DOK7: variants seen among roughly 807,000 people sequenced by gnomAD.
The protein encoded by DOK7 is protein Dok-7.
In DOK7, 32 loss-of-function variants were observed where a neutral mutation model predicts 30.7. The observed-to-expected ratio is 1.04, with a 90% confidence interval of 0.79 to 1.40. The LOEUF is 1.40. Among genes scored for constraint, DOK7 ranks in the 40% most tolerant of loss-of-function variants. DOK7 has a pLI of 0.00. For synonymous variants in DOK7, 447 were observed against 324.1 expected (o/e 1.38, Z -4.07); for missense variants, 1,007 against 699.2 (o/e 1.44, Z -4.97).
At position 3,501,224 on chromosome 4, in the gene DOK7, C is replaced by T. The variant is rs192329752; in HGVS notation, c.*399C>T. 7.5e-5 allele frequency: 15 copies of T among 199,078 alleles called. No homozygotes were observed. In the East Asian group the frequency reaches 8.2e-4, roughly 11 times the overall value. The allele number at this position is 199,078 out of a possible 1,614,324, so 12.3% of individuals were successfully genotyped here. A position where few individuals can be genotyped will look rare whatever the true frequency, so the allele number is the denominator to read the frequency against. On this transcript the variant is annotated 3_prime_UTR_variant, in exon 8 of 8. Transcript: ENST00000643608. Reference sequence around the variant, plus strand: ...TGGGGGTGACTGCATGGATGACAGCCGTGTCCTGGCAAAATGCTCATCCCT... The same window carrying T: ...TGGGGGTGACTGCATGGATGACAGCTGTGTCCTGGCAAAATGCTCATCCCT...
intron 6 of DOK7, 122 bp downstream of exon 6, chr4:3,489,918 TGTC>T (rs2109390171): frequency 7.1e-7 from 1 of 1,417,146 alleles, no homozygotes; most frequent in Non-Finnish European, 9.4e-7. Flanking sequence ...TCATTCCTTC[TGTC>T]TCCTGCTCAT....
chr4:3,468,777 TG>T (rs1261387635), intron 2 of DOK7, among the ~76,000 whole-genome samples: 2 of 146,540 alleles, frequency 1.4e-5, no homozygotes, highest in East Asian at 4.0e-4. Flanking sequence ...TGCATGTATG[TG>T]TGCCTGTGAT....
chr4:3,493,962 G>A lies in DOK7; in HGVS notation c.*461G>A, dbSNP rs1483553917. On this transcript the variant is annotated 3_prime_UTR_variant, in exon 7 of 7. Transcript: ENST00000340083. ...CTGTTAAGCATCAAGCTACCACAGA[G>A]GCTCCGGCCACCTGGGCTCCACCAG... The A allele has an allele frequency of 1.0e-6, 1 of 998,374 alleles. No individual in the cohort carries two copies. The highest frequency in any genetic ancestry group is 1.2e-6 in the Non-Finnish European group (1 of 839,726). 61.8% of individuals were successfully genotyped at this position (998,374 alleles called of 1,614,324 possible). A position where few individuals can be genotyped will look rare whatever the true frequency, so the allele number is the denominator to read the frequency against.
In DOK7 at chr4:3,493,923, G is replaced by C. The variant is rs1560235858; in HGVS notation, c.*422G>C. On this transcript the variant is annotated 3_prime_UTR_variant, in exon 7 of 7. Transcript: ENST00000340083. ...CCGGTTCTCCCCATCACCTCTCTGG[G>C]GCAGTCACACCACCTGTTAAGCATC... is the stretch of plus-strand genomic sequence containing the variant. 1 of 1,033,572 alleles carries C rather than the reference G, an allele frequency of 9.7e-7. No homozygotes were observed. The highest frequency in any genetic ancestry group is 1.2e-6 in the Non-Finnish European group (1 of 862,216). The allele number at this position is 1,033,572 out of a possible 1,614,324, so 64.0% of individuals were successfully genotyped here.
intron 6 of DOK7, among the ~76,000 whole-genome samples, chr4:3,491,263 A>C (rs1274794640): frequency 2.6e-5 from 2 of 76,622 alleles, no homozygotes; most frequent in Admixed American, 2.0e-4. Context: ...TTGCTCATTC[A>C]TTCCTTCATT....
In DOK7 at chr4:3,473,342, G is replaced by A. The variant is rs373952849; in HGVS notation, c.101-64G>A. On this transcript the variant is annotated intron_variant, in intron 2 of 6. Coordinates refer to ENST00000340083, the MANE Select transcript of DOK7 (RefSeq NM_173660.5). ...GTCTCTGCACTGTCACGGCCTCCCC[G>A]GGGACGCCAAGGGTGCGGGCAGGCG... is the stretch of plus-strand genomic sequence containing the variant. 3.9e-5 allele frequency: 61 copies of A among 1,546,058 alleles called. 1 individual carries two copies. Among genetic ancestry groups the A allele is most frequent in the South Asian group, 2.5e-4 (22 of 87,352 alleles).
Position 3,492,591 on chromosome 4 carries a change from T to G in DOK7, c.773-168T>G, listed in dbSNP as rs28735586. On this transcript the variant is annotated intron_variant, in intron 6 of 6. Coordinates refer to ENST00000340083, the MANE Select transcript of DOK7 (RefSeq NM_173660.5). ...CAGGAGTGGATGAGGGGTAGAGGGG[T>G]TGTTGTTGGTGAAGCCAGGTTTCTG... is the stretch of plus-strand genomic sequence containing the variant. Among the ~76,000 whole-genome samples the G allele has an allele frequency of 0.13, 20,304 of 150,978 alleles. 1,472 individuals carry two copies. The highest frequency in any genetic ancestry group is 0.16 in the African/African-American group (6,687 of 41,006).
At chr4:3,465,695 G>A (rs1014399378) in intron 2 of DOK7, among the ~76,000 whole-genome samples, 3 of 152,378 alleles carry the variant, frequency 2.0e-5, no homozygotes, top group Admixed American at 6.5e-5. Context: ...CGCCTGGCAT[G>A]GCCAGTGGAC....
rs1355823402 is a variant in DOK7, at chr4:3,491,255, GCTCATTCA to G, written c.772+1460_772+1467del. 3.3e-4 allele frequency among the ~76,000 whole-genome samples: 30 copies of G among 89,798 alleles called. 1 individual carries two copies. Among genetic ancestry groups the G allele is most frequent in the African/African-American group, 1.3e-3 (28 of 21,184 alleles). The allele number at this position is 89,798 out of a possible 152,430, so 58.9% of individuals were successfully genotyped here. On this transcript the variant is annotated intron_variant, in intron 6 of 6. Transcript: ENST00000340083. ...CTGCTCTTTCATTCCTTCTCCCCTT[GCTCATTCA>G]TTCCTTCATTCATTCCTTCCTCCGC...
At chr4:3,494,860 T>C (rs1465810669), downstream of DOK7, among the ~76,000 whole-genome samples, 3 of 152,140 alleles carry the variant, frequency 2.0e-5, no homozygotes, top group African/African-American at 7.2e-5. Context: ...CTCCCCTACA[T>C]GGGGCCGAGT....
chr4:3,488,602 G>A (rs1029706500), intron 5 of DOK7, among the ~76,000 whole-genome samples: 4 of 152,186 alleles, frequency 2.6e-5, no homozygotes, highest in African/African-American at 9.7e-5. Context: ...TCCTCTGTGC[G>A]CTGCAGAATT....
Position 3,493,761 on chromosome 4 carries a change from A to C in DOK7, c.*260A>C. 1 of 1,397,662 alleles carries C rather than the reference A, an allele frequency of 7.2e-7. No homozygotes were observed. Among genetic ancestry groups the C allele is most frequent in the Non-Finnish European group, 9.3e-7 (1 of 1,079,534 alleles). 86.6% of individuals were successfully genotyped at this position (1,397,662 alleles called of 1,614,324 possible). On this transcript the variant is annotated 3_prime_UTR_variant, in exon 7 of 7. Transcript: ENST00000340083. ...CAGAGCCCCAATGCTCAGCTGCTTC[A>C]CTCCGTGTCCCCCACCCCTGAGGAT...
At chr4:3,490,299 T>G (rs1414604153) in intron 6 of DOK7, among the ~76,000 whole-genome samples, 2 of 78,534 alleles carry the variant, frequency 2.5e-5, no homozygotes, top group African/African-American at 4.6e-5. Flanking sequence ...CATTTCTTCC[T>G]CCGCCCCCCC....
chr4:3,489,248 G>A (rs985154650), intron 5 of DOK7, among the ~76,000 whole-genome samples: 1 of 152,144 alleles, frequency 6.6e-6, no homozygotes, highest in Non-Finnish European at 1.5e-5. Context: ...CATTTCCCCA[G>A]GTGGAGGGGA....
intron 5 of DOK7, among the ~76,000 whole-genome samples, chr4:3,489,203 C>T (rs982128343): frequency 2.0e-5 from 3 of 152,116 alleles, no homozygotes; most frequent in African/African-American, 7.2e-5. Context: ...ATCCGAGACC[C>T]CAGGGAACGG....
At chr4:3,472,726 T>C (rs1429349776) in intron 2 of DOK7, among the ~76,000 whole-genome samples, 1 of 151,844 alleles carries the variant, frequency 6.6e-6, no homozygotes, top group Non-Finnish European at 1.5e-5. Context: ...AAGGTGGGGG[T>C]GGAGACGGGG....
At chr4:3,484,437 C>T in intron 4 of DOK7, 13 of 967,294 alleles carry the variant, frequency 1.3e-5, no homozygotes, top group Non-Finnish European at 1.6e-5. Context: ...GCCTTCCCTC[C>T]TGCGTACCTT....
chr4:3,490,153 CACCCTG>C (rs1728151278), intron 6 of DOK7, among the ~76,000 whole-genome samples: 2 of 107,226 alleles, frequency 1.9e-5, no homozygotes, highest in African/African-American at 9.3e-5. Flanking sequence ...CTTCCTTCCC[CACCCTG>C]CTCATTCATT....
chr4:3,497,664 G>A (rs1471577829), downstream of DOK7, among the ~76,000 whole-genome samples: 2 of 152,078 alleles, frequency 1.3e-5, no homozygotes, highest in African/African-American at 2.4e-5. Context: ...CCTACAGGGG[G>A]GCGGGGTCCA....
Sources: gnomAD v4.1 joint callset for allele counts (sites outside exome capture counted in the v4.1 genomes callset) on GRCh38, gnomAD v4.1.1 for gene constraint, MANE v1.5 for transcripts, NCBI Gene and HGNC (gene_info 2026-07-23, HGNC 2026-07-21) for gene names.